The following LIN52 variants were observed in gnomAD, a reference collection of about 807,000 sequenced individuals.
LIN52 encodes the protein protein lin-52 homolog.
In LIN52, 4 loss-of-function variants were observed where a neutral mutation model predicts 18.5. That is an observed-to-expected ratio of 0.22 (90% CI 0.11 to 0.49). The LOEUF is 0.49. Ranked by LOEUF, LIN52 falls within the 20% of genes least tolerant of loss-of-function variation. The pLI is 0.97. For synonymous variants in LIN52, 34 were observed against 45.5 expected (o/e 0.75, Z 1.02); for missense variants, 102 against 139.5 (o/e 0.73, Z 1.35).
intron 5 of LIN52, among the ~76,000 whole-genome samples, chr14:74,113,498 G>A (rs1194471173): frequency 6.6e-6 from 1 of 152,142 alleles, no homozygotes; most frequent in Non-Finnish European, 1.5e-5. Flanking sequence ...GAGTTTGAAA[G>A]CAACAGCTCT....
intron 5 of LIN52, among the ~76,000 whole-genome samples, chr14:74,121,371 C>T (rs1314002375): frequency 6.6e-6 from 1 of 152,194 alleles, no homozygotes; most frequent in Non-Finnish European, 1.5e-5. Context: ...ATGTAACAAA[C>T]AGATTTCATC....
chr14:74,113,276 C>T lies in LIN52; in HGVS notation c.283+12038C>T, dbSNP rs2060941305. 2.0e-5 allele frequency among the ~76,000 whole-genome samples: 3 copies of T among 152,114 alleles called. 1 individual carries two copies. The highest frequency in any genetic ancestry group is 2.0e-4 in the Admixed American group (3 of 15,262). ...GCGTGGTGGCGGGCGCCTGTAATCT[C>T]AGCTACCCGGGATGCTGAGGCAGGA... On this transcript the variant is annotated intron_variant, in intron 5 of 5. Transcript: ENST00000555028.
At chr14:74,141,002 A>C (rs914709777) in intron 5 of LIN52, among the ~76,000 whole-genome samples, 24 of 152,236 alleles carry the variant, frequency 1.6e-4, no homozygotes, top group Admixed American at 1.4e-3. Context: ...TGTTAACTAC[A>C]AAAGGAACAG....
intron 5 of LIN52, among the ~76,000 whole-genome samples, chr14:74,142,935 C>T (rs1595173296): frequency 6.7e-6 from 1 of 150,056 alleles, no homozygotes; most frequent in Non-Finnish European, 1.5e-5. Context: ...CTCTTGGTGA[C>T]GTTTTGGCTT....
At chr14:74,120,583 C>T (rs889837193) in intron 5 of LIN52, among the ~76,000 whole-genome samples, 19 of 151,908 alleles carry the variant, frequency 1.3e-4, no homozygotes, top group African/African-American at 4.4e-4. Context: ...TGTGAAACCC[C>T]GTCTCTACTA....
chr14:74,188,081 A>G (rs1415640631), intron 5 of LIN52, among the ~76,000 whole-genome samples: 1 of 152,224 alleles, frequency 6.6e-6, no homozygotes, highest in East Asian at 1.9e-4. Context: ...TAGTATTTTA[A>G]ATTAAATCCA....
intron 1 of LIN52, among the ~76,000 whole-genome samples, chr14:74,090,937 T>C (rs1416094288): frequency 6.6e-6 from 1 of 152,144 alleles, no homozygotes; most frequent in Non-Finnish European, 1.5e-5. Context: ...CTTAATTCAT[T>C]GTAACTGGAG....
intron 5 of LIN52, among the ~76,000 whole-genome samples, chr14:74,131,319 C>CTT (rs34203200): frequency 0.11 from 15,493 of 137,868 alleles, 1,095 homozygotes; most frequent in Admixed American, 0.19. Context: ...ATTTAAGTGA[C>CTT]TTTTTTTTTT....
intron 5 of LIN52, among the ~76,000 whole-genome samples, chr14:74,168,561 G>A (rs1047105354): frequency 4.6e-5 from 7 of 152,050 alleles, no homozygotes; most frequent in Admixed American, 2.0e-4. Flanking sequence ...CCAGCTACTC[G>A]GGAGGCTGAG....
chr14:74,188,349 C>T (rs910604465), intron 5 of LIN52, among the ~76,000 whole-genome samples: 5 of 151,996 alleles, frequency 3.3e-5, no homozygotes, highest in African/African-American at 9.7e-5. Context: ...AAAATAGTGG[C>T]GTGAATAATA....
intron 5 of LIN52, among the ~76,000 whole-genome samples, chr14:74,122,565 A>T (rs2061006386): frequency 6.6e-6 from 1 of 152,142 alleles, no homozygotes; most frequent in African/African-American, 2.4e-5. Flanking sequence ...TCTTAGTATT[A>T]TACAAATAAT....
intron 4 of LIN52, among the ~76,000 whole-genome samples, chr14:74,099,606 G>GTGTGTGTGTGTA (rs2060839585): frequency 1.3e-5 from 2 of 152,058 alleles, no homozygotes; most frequent in African/African-American, 2.4e-5. Context: ...GTGTGTGTGT[G>GTGTGTGTGTGTA]TGTATGTGTG....
chr14:74,160,561 G>A (rs2061219785), intron 5 of LIN52, among the ~76,000 whole-genome samples: 1 of 152,028 alleles, frequency 6.6e-6, no homozygotes, highest in African/African-American at 2.4e-5. Flanking sequence ...CATAGTAAAG[G>A]GAAAGGGTTT....
chr14:74,183,663 C>G (rs564449141), intron 5 of LIN52, among the ~76,000 whole-genome samples: 1 of 152,176 alleles, frequency 6.6e-6, no homozygotes, highest in Non-Finnish European at 1.5e-5. Context: ...GTACCCATCC[C>G]CAGCTTCAAA....
At chr14:74,130,295 T>TTTTTTTTTTTTC (rs1315000657) in intron 5 of LIN52, among the ~76,000 whole-genome samples, 2 of 140,276 alleles carry the variant, frequency 1.4e-5, no homozygotes, top group Non-Finnish European at 1.6e-5. Flanking sequence ...TTTTTTTTTT[T>TTTTTTTTTTTTC]TGAGACAGTC....
At chr14:74,086,171 G>T (rs1366418144) in intron 1 of LIN52, among the ~76,000 whole-genome samples, 2 of 152,120 alleles carry the variant, frequency 1.3e-5, no homozygotes, top group Non-Finnish European at 2.9e-5. Context: ...TTTTGCGCTA[G>T]ATTGTAAATT....
chr14:74,172,587 C>G (rs1386849535), intron 5 of LIN52, among the ~76,000 whole-genome samples: 1 of 152,150 alleles, frequency 6.6e-6, no homozygotes, highest in East Asian at 1.9e-4. Flanking sequence ...ACAGTGGTGT[C>G]AGGTGCAACT....
intron 5 of LIN52, among the ~76,000 whole-genome samples, chr14:74,140,976 A>G (rs1260278588): frequency 2.6e-5 from 4 of 152,268 alleles, no homozygotes; most frequent in South Asian, 4.1e-4. Flanking sequence ...AAGCTATCGT[A>G]GGAACATTAC....
rs115190639 is a variant in LIN52 at position 74,191,949 on chromosome 14, T to G, written c.284-6973T>G. Among the ~76,000 whole-genome samples, 1,053 of 152,258 alleles carry G rather than the reference T, an allele frequency of 6.9e-3. 15 individuals are homozygous for G. The highest frequency in any genetic ancestry group is 0.024 in the African/African-American group (1,013 of 41,552). ...CGCGCCCGGCCACTAAACTGGGATTTTATGTGTTCCTTTTGGCTAGAAGTA... is the reference window on the plus strand; with the variant it reads ...CGCGCCCGGCCACTAAACTGGGATTGTATGTGTTCCTTTTGGCTAGAAGTA... On this transcript the variant is annotated intron_variant, in intron 5 of 5. Coordinates refer to ENST00000555028, the MANE Select transcript of LIN52 (RefSeq NM_001024674.3).
Sources: gnomAD v4.1 joint callset for allele counts (sites outside exome capture counted in the v4.1 genomes callset) on GRCh38, gnomAD v4.1.1 for gene constraint, MANE v1.5 for transcripts, NCBI Gene and HGNC (gene_info 2026-07-23, HGNC 2026-07-21) for gene names.